IQCK: variants seen among roughly 807,000 people sequenced by gnomAD.
The protein encoded by IQCK is IQ domain-containing protein K.
A neutral mutation model predicts 28.1 loss-of-function variants in IQCK; 29 were observed. That is an observed-to-expected ratio of 1.03 (90% CI 0.77 to 1.41). The LOEUF (loss-of-function observed/expected upper bound fraction) is 1.41. IQCK is among the 40% of genes most tolerant of loss of function. IQCK has a pLI of 0.00. For synonymous variants in IQCK, 113 were observed against 115.1 expected (o/e 0.98, Z 0.12); for missense variants, 359 against 314.7 (o/e 1.14, Z -1.07).
chr16:19,838,140 C>T (rs2056319850), intron 9 of IQCK, among the ~76,000 whole-genome samples: 1 of 152,210 alleles, frequency 6.6e-6, no homozygotes, highest in African/African-American at 2.4e-5. Flanking sequence ...ACCTTGAAAA[C>T]CTGTTGATGC....
At chr16:19,772,729 G>T (rs942271077) in intron 6 of IQCK, among the ~76,000 whole-genome samples, 67 of 152,194 alleles carry the variant, frequency 4.4e-4, no homozygotes, top group Non-Finnish European at 8.8e-5. Context: ...TGAGATTAGG[G>T]CTAGATGCAG....
intron 4 of IQCK, chr16:19,761,486 A>G: frequency 2.2e-6 from 1 of 448,220 alleles, no homozygotes; most frequent in Non-Finnish European, 4.5e-6. Flanking sequence ...ACTTTGTAGC[A>G]TCTTTCTTCT....
At chr16:19,780,102 TG>T (rs766141093) in intron 6 of IQCK, among the ~76,000 whole-genome samples, 66 of 151,366 alleles carry the variant, frequency 4.4e-4, no homozygotes, top group Non-Finnish European at 5.0e-4. Context: ...AGTGCAGTGG[TG>T]CGCTCTCAGC....
intron 9 of IQCK, among the ~76,000 whole-genome samples, chr16:19,852,999 G>T (rs4780830): frequency 0.1 from 15,732 of 152,164 alleles, 906 homozygotes; most frequent in Non-Finnish European, 0.13. Flanking sequence ...TATAATCACT[G>T]GTCAAGTAGA....
intron 9 of IQCK, among the ~76,000 whole-genome samples, chr16:19,835,832 G>T (rs1249213318): frequency 6.6e-6 from 1 of 152,062 alleles, no homozygotes; most frequent in Non-Finnish European, 1.5e-5. Flanking sequence ...TGATCCACCT[G>T]CCTCGGCCTC....
At chr16:19,802,737 A>G (rs55894198) in intron 7 of IQCK, among the ~76,000 whole-genome samples, 11,103 of 152,142 alleles carry the variant, frequency 0.073, 1,314 homozygotes, top group African/African-American at 0.25. Flanking sequence ...CATGTTACAT[A>G]AATGGAGTCA....
chr16:19,730,763 TTATC>T (rs1555513811), intron 2 of IQCK, among the ~76,000 whole-genome samples: 26 of 77,766 alleles, frequency 3.3e-4, no homozygotes, highest in African/African-American at 1.2e-3. Context: ...CTATCTTATC[TTATC>T]TATCTATCTA....
At chr16:19,747,388 T>G (rs938457634) in intron 4 of IQCK, among the ~76,000 whole-genome samples, 1 of 152,180 alleles carries the variant, frequency 6.6e-6, no homozygotes, top group South Asian at 2.1e-4. Context: ...CAAGGCCTCT[T>G]GAGCCTGAGG....
intron 6 of IQCK, among the ~76,000 whole-genome samples, chr16:19,774,644 G>A (rs1041836422): frequency 5.3e-5 from 8 of 152,030 alleles, no homozygotes; most frequent in Non-Finnish European, 1.2e-4. Context: ...GATTACAGGC[G>A]TGAGCCACTG....
rs542160208 is a variant in IQCK at position 19,809,768 on chromosome 16, C to T, written c.691-17258C>T. ...GCCCACATCATAATTATCCAGAGGG[C>T]CTGTTAACACACAGCCGATGGGCCC... On this transcript the variant is annotated intron_variant, in intron 7 of 7. Coordinates refer to ENST00000564186, the Ensembl canonical transcript of IQCK. Among the ~76,000 whole-genome samples, 7 of 152,256 alleles carry T rather than the reference C, an allele frequency of 4.6e-5. No homozygotes were observed. The East Asian group carries it at 1.4e-3, about 29-fold the overall frequency.
At chr16:19,801,640 G>A (rs936653437) in intron 7 of IQCK, among the ~76,000 whole-genome samples, 1 of 144,052 alleles carries the variant, frequency 6.9e-6, no homozygotes, top group East Asian at 2.0e-4. Flanking sequence ...ATCATAGACC[G>A]CAAGTCATTT....
At position 19,747,364 on chromosome 16, in the gene IQCK, T is replaced by C. The variant is rs190095721; in HGVS notation, c.474+11914T>C. Among the ~76,000 whole-genome samples, 12 of 152,280 alleles carry C rather than the reference T, an allele frequency of 7.9e-5. No homozygotes were observed. The East Asian group carries it at 9.7e-4, about 12-fold the overall frequency. ...GGCAGCCAGGCAGGGTTGCTTCAATTCAATTAGACACGTCAAGGCCTCTTG... is the reference window on the plus strand; with the variant it reads ...GGCAGCCAGGCAGGGTTGCTTCAATCCAATTAGACACGTCAAGGCCTCTTG... On this transcript the variant is annotated intron_variant, in intron 4 of 7. Coordinates refer to ENST00000564186, the Ensembl canonical transcript of IQCK.
intron 4 of IQCK, among the ~76,000 whole-genome samples, chr16:19,762,304 G>T (rs8046843): frequency 0.055 from 8,332 of 152,254 alleles, 712 homozygotes; most frequent in African/African-American, 0.18. Flanking sequence ...TGTGCGGGGT[G>T]TCTCGTGAAG....
chr16:19,835,724 A>T (rs1200614457), intron 9 of IQCK, among the ~76,000 whole-genome samples: 1 of 151,806 alleles, frequency 6.6e-6, no homozygotes, highest in Non-Finnish European at 1.5e-5. Context: ...AGCTGGGATT[A>T]TAGGCGAGTG....
chr16:19,736,372 C>T (rs1978015075), intron 4 of IQCK, among the ~76,000 whole-genome samples: 5 of 152,006 alleles, frequency 3.3e-5, no homozygotes, highest in Admixed American at 3.3e-4. Flanking sequence ...AGTTGATCCT[C>T]CCACCTCAGC....
chr16:19,718,573 C>A (rs914392299), intron 1 of IQCK, 86 bp downstream of exon 1: 6 of 1,265,678 alleles, frequency 4.7e-6, no homozygotes, highest in South Asian at 4.0e-5. Context: ...GTGCGCCTGT[C>A]GGCTGACGGG....
chr16:19,840,359 AAAT>A (rs896087013), intron 9 of IQCK, among the ~76,000 whole-genome samples: 4 of 152,154 alleles, frequency 2.6e-5, no homozygotes, highest in Non-Finnish European at 5.9e-5. Context: ...CCGTTTCAAA[AAAT>A]AATAATAAAG....
chr16:19,730,654 T>G (rs1977803947), intron 2 of IQCK, among the ~76,000 whole-genome samples, 160 bp downstream of exon 2: 1 of 152,214 alleles, frequency 6.6e-6, no homozygotes, highest in African/African-American at 2.4e-5. Context: ...GCTCTAATAC[T>G]AACAGTTTGA....
intron 4 of IQCK, among the ~76,000 whole-genome samples, chr16:19,750,729 C>T (rs528247394): frequency 2.6e-5 from 4 of 151,906 alleles, no homozygotes; most frequent in Admixed American, 6.6e-5. Context: ...CCCAAAGTGC[C>T]GGGATTACAG....
Sources: gnomAD v4.1 joint callset for allele counts (sites outside exome capture counted in the v4.1 genomes callset) on GRCh38, gnomAD v4.1.1 for gene constraint, MANE v1.5 for transcripts, NCBI Gene and HGNC (gene_info 2026-07-23, HGNC 2026-07-21) for gene names.